LDAH: variants seen among roughly 807,000 people sequenced by gnomAD.
LDAH encodes lipid droplet-associated hydrolase.
Under a neutral mutation model 29.6 loss-of-function variants are expected in LDAH, and 26 were observed. That is an observed-to-expected ratio of 0.88 (90% CI 0.64 to 1.22). The LOEUF is 1.22. LDAH is among the 50% of genes most tolerant of loss of function. The pLI is 0.00. For missense variants in LDAH, 344 were observed against 387.3 expected (o/e 0.89, Z 0.94); for synonymous variants, 117 against 133.0 (o/e 0.88, Z 0.83).
At chr2:20,716,869 C>T (rs1156359517) in intron 5 of LDAH, among the ~76,000 whole-genome samples, 1 of 97,168 alleles carries the variant, frequency 1.0e-5, no homozygotes, top group Non-Finnish European at 2.5e-5. Context: ...TTTCCCAGAG[C>T]CTCCAGACAA....
At chr2:20,806,287 A>C (rs1672061609) in intron 1 of LDAH, among the ~76,000 whole-genome samples, 2 of 152,148 alleles carry the variant, frequency 1.3e-5, no homozygotes, top group African/African-American at 4.8e-5. Flanking sequence ...AATGCCAAAA[A>C]CTTTAAACAT....
intron 5 of LDAH, among the ~76,000 whole-genome samples, chr2:20,731,251 T>C (rs1312508594): frequency 1.3e-5 from 2 of 152,214 alleles, no homozygotes; most frequent in Non-Finnish European, 2.9e-5. Flanking sequence ...ATGGGGATGG[T>C]TTCTCATGAC....
At chr2:20,801,188 G>A in intron 2 of LDAH, 122 bp downstream of exon 2, 1 of 1,007,600 alleles carries the variant, frequency 9.9e-7, no homozygotes, top group Non-Finnish European at 1.4e-6. Context: ...GTTAACAATG[G>A]GTCAAGCGAT....
chr2:20,737,964 G>T (rs966322664), intron 5 of LDAH, among the ~76,000 whole-genome samples: 1 of 151,940 alleles, frequency 6.6e-6, no homozygotes, highest in African/African-American at 2.4e-5. Flanking sequence ...TAAAAATATC[G>T]ATTCTTGGGC....
intron 4 of LDAH, among the ~76,000 whole-genome samples, chr2:20,745,306 C>T (rs1447770849): frequency 6.6e-6 from 1 of 152,136 alleles, no homozygotes; most frequent in Non-Finnish European, 1.5e-5. Context: ...TTCTCCATAT[C>T]CTTATCAACA....
chr2:20,696,283 AAC>A (rs1395453013), intron 6 of LDAH, among the ~76,000 whole-genome samples: 1 of 152,190 alleles, frequency 6.6e-6, no homozygotes, highest in African/African-American at 2.4e-5. Flanking sequence ...TCCCAAAGGC[AAC>A]ACACACCTTT....
At position 20,727,381 on chromosome 2, in the gene LDAH, T is replaced by TA. The variant is rs199932399; in HGVS notation, c.703+12589dup. Reference sequence around the variant, plus strand: ...ATTCTAGAAGAAATTTATGATTCTTTAGTGATGCAAATGCTTATGTTGTCA... The same window carrying TA: ...ATTCTAGAAGAAATTTATGATTCTTTAAGTGATGCAAATGCTTATGTTGTCA... On this transcript the variant is annotated intron_variant, in intron 5 of 6. Transcript: ENST00000237822. Among the ~76,000 whole-genome samples, 51 of 152,380 alleles carry TA rather than the reference T, an allele frequency of 3.3e-4. No individual in the cohort carries two copies. In the East Asian group the frequency reaches 9.0e-3, roughly 27 times the overall value.
rs114632699 is a variant in LDAH at position 20,793,747 on chromosome 2, C to T, written c.155-3349G>A. Among the ~76,000 whole-genome samples the T allele has an allele frequency of 4.8e-3, 719 of 150,576 alleles. 11 individuals are homozygous for T. Among genetic ancestry groups the T allele is most frequent in the African/African-American group, 0.017 (691 of 40,044 alleles). On this transcript the variant is annotated intron_variant, in intron 2 of 6. Transcript: ENST00000237822. ...AGGAAAAATATGAAAATTTTCATAGCAATACATTTAGCAACTTAGATAAAA... is the reference window on the plus strand; with the variant it reads ...AGGAAAAATATGAAAATTTTCATAGTAATACATTTAGCAACTTAGATAAAA...
intron 5 of LDAH, among the ~76,000 whole-genome samples, chr2:20,706,258 T>C (rs1407749595): frequency 6.6e-6 from 1 of 152,188 alleles, no homozygotes; most frequent in Non-Finnish European, 1.5e-5. Context: ...AAAAGACAGA[T>C]TTTATTGAAA....
chr2:20,795,659 G>A (rs1671255201), intron 2 of LDAH, among the ~76,000 whole-genome samples: 1 of 151,768 alleles, frequency 6.6e-6, no homozygotes, highest in African/African-American at 2.4e-5. Flanking sequence ...AAGGAACACA[G>A]TAAAAATTCT....
intron 6 of LDAH, among the ~76,000 whole-genome samples, chr2:20,694,296 A>G (rs1419064517): frequency 6.6e-6 from 1 of 152,160 alleles, no homozygotes; most frequent in African/African-American, 2.4e-5. Context: ...GCAGGCTTCC[A>G]CTTCTCCCCT....
intron 4 of LDAH, among the ~76,000 whole-genome samples, chr2:20,755,929 C>T (rs1175144172): frequency 7.9e-5 from 12 of 151,948 alleles, no homozygotes; most frequent in Admixed American, 7.9e-4. Flanking sequence ...AATACCACAC[C>T]AAAAAAAGTT....
chr2:20,754,306 G>A (rs970614881), intron 4 of LDAH, among the ~76,000 whole-genome samples: 2 of 151,710 alleles, frequency 1.3e-5, no homozygotes, highest in South Asian at 2.1e-4. Flanking sequence ...TGGGCAACAC[G>A]GTGAAACCCG....
intron 5 of LDAH, among the ~76,000 whole-genome samples, chr2:20,727,433 T>C (rs1666098616): frequency 6.6e-6 from 1 of 152,138 alleles, no homozygotes; most frequent in Non-Finnish European, 1.5e-5. Flanking sequence ...ATTTTATATC[T>C]TAAAAAGCTA....
chr2:20,751,511 T>A (rs371235444), intron 4 of LDAH, among the ~76,000 whole-genome samples: 5 of 152,238 alleles, frequency 3.3e-5, no homozygotes, highest in African/African-American at 1.2e-4. Flanking sequence ...TCAATGAATC[T>A]AGGAGATAGT....
chr2:20,817,310 C>T (rs1221007861), intron 1 of LDAH, among the ~76,000 whole-genome samples: 2 of 151,894 alleles, frequency 1.3e-5, no homozygotes, highest in African/African-American at 4.8e-5. Flanking sequence ...GATAAAATGA[C>T]ACAAATTACT....
chr2:20,743,202 AT>A lies in LDAH; in HGVS notation c.469-2998del, dbSNP rs1667319290. ...TGGTTTTAATTGAGCATTTTATGTG[AT>A]TCCATTTTCTCTCCTTTCTTAGCAT... On this transcript the variant is annotated intron_variant, in intron 4 of 6. Transcript: ENST00000237822. Among the ~76,000 whole-genome samples, 9 of 151,312 alleles carry A rather than the reference AT, an allele frequency of 5.9e-5. No homozygotes were observed. The South Asian group carries it at 1.9e-3, about 31-fold the overall frequency.
chr2:20,768,307 T>G (rs1669178402), intron 4 of LDAH, among the ~76,000 whole-genome samples: 1 of 152,210 alleles, frequency 6.6e-6, no homozygotes, highest in African/African-American at 2.4e-5. Flanking sequence ...GCCAGAGCTG[T>G]GACTCCCTCT....
chr2:20,798,418 A>C lies in LDAH; in HGVS notation c.154+2892T>G, dbSNP rs138013097. On this transcript the variant is annotated intron_variant, in intron 2 of 6. Coordinates refer to ENST00000237822, the MANE Select transcript of LDAH (RefSeq NM_021925.4). Reference sequence around the variant, plus strand: ...GAAAGGATTCTTTTCACTTCTAGAGAATAGTTCTAGGATAAATGAGTGATT... The same window carrying C: ...GAAAGGATTCTTTTCACTTCTAGAGCATAGTTCTAGGATAAATGAGTGATT... Among the ~76,000 whole-genome samples, 989 of 152,194 alleles carry C rather than the reference A, an allele frequency of 6.5e-3. 13 individuals carry two copies. Among genetic ancestry groups the C allele is most frequent in the African/African-American group, 0.022 (925 of 41,528 alleles).
Sources: allele counts gnomAD v4.1 joint callset (sites outside exome capture counted in the v4.1 genomes callset), GRCh38; gene constraint gnomAD v4.1.1; transcripts MANE v1.5; gene names NCBI Gene and HGNC (gene_info 2026-07-23, HGNC 2026-07-21).